NKAIN3: variants seen among roughly 807,000 people sequenced by gnomAD.
The protein encoded by NKAIN3 is sodium/potassium transporting ATPase interacting 3.
Under a neutral mutation model 30.2 loss-of-function variants are expected in NKAIN3, and 25 were observed. The observed-to-expected ratio is 0.83, with a 90% CI of 0.60 to 1.16. The LOEUF (loss-of-function observed/expected upper bound fraction) is 1.16. Among genes scored for constraint, NKAIN3 ranks in the 50% most tolerant of loss-of-function variants. NKAIN3 has a pLI of 0.00. For missense variants in NKAIN3, 225 were observed against 254.1 expected (o/e 0.89, Z 0.78); for synonymous variants, 91 against 89.6 (o/e 1.02, Z -0.09).
intron 1 of NKAIN3, among the ~76,000 whole-genome samples, chr8:62,290,522 GT>G (rs1418947963): frequency 6.6e-6 from 1 of 152,160 alleles, no homozygotes; most frequent in African/African-American, 2.4e-5. Flanking sequence ...CTTTGGTTCT[GT>G]TTATATGCTG....
chr8:62,765,246 C>CAAAAAAAAAAAAAA, intron 4 of NKAIN3, among the ~76,000 whole-genome samples: 1 of 42,518 alleles, frequency 2.4e-5, no homozygotes, highest in Non-Finnish European at 4.8e-5. Context: ...GACTCCATCT[C>CAAAAAAAAAAAAAA]AAAAAAAAAA....
intron 1 of NKAIN3, among the ~76,000 whole-genome samples, chr8:62,270,742 G>T (rs1328860069): frequency 1.3e-5 from 2 of 152,094 alleles, no homozygotes; most frequent in Non-Finnish European, 2.9e-5. Context: ...ACCCATGGTA[G>T]CCAGCATTTC....
At chr8:62,637,586 G>A (rs1812174404) in intron 3 of NKAIN3, among the ~76,000 whole-genome samples, 1 of 152,084 alleles carries the variant, frequency 6.6e-6, no homozygotes, top group Non-Finnish European at 1.5e-5. Context: ...ACTATTAGAC[G>A]AGCCTAAATG....
At chr8:62,787,721 TTCCTGTG>T (rs779858368) in intron 4 of NKAIN3, among the ~76,000 whole-genome samples, 21 of 152,062 alleles carry the variant, frequency 1.4e-4, no homozygotes, top group Non-Finnish European at 2.2e-4. Context: ...GATGTTCCCC[TTCCTGTG>T]TCCATGTGTT....
intron 4 of NKAIN3, among the ~76,000 whole-genome samples, chr8:62,909,111 A>T (rs1821862098): frequency 6.6e-6 from 1 of 152,176 alleles, no homozygotes; most frequent in South Asian, 2.1e-4. Context: ...AAGATTCACA[A>T]CTAGCAGGAC....
intron 1 of NKAIN3, among the ~76,000 whole-genome samples, chr8:62,306,120 G>T (rs1814231466): frequency 6.6e-6 from 1 of 150,542 alleles, no homozygotes; most frequent in Non-Finnish European, 1.5e-5. Context: ...TGTTAATAGA[G>T]TTAGTTTATA....
At chr8:62,798,246 T>C (rs1258607578) in intron 4 of NKAIN3, among the ~76,000 whole-genome samples, 1 of 152,054 alleles carries the variant, frequency 6.6e-6, no homozygotes, top group African/African-American at 2.4e-5. Context: ...TCCTGTTGGG[T>C]TGCCGATATT....
At chr8:62,936,660 C>G (rs868175938) in intron 5 of NKAIN3, among the ~76,000 whole-genome samples, 5 of 152,082 alleles carry the variant, frequency 3.3e-5, no homozygotes, top group African/African-American at 1.2e-4. Context: ...CATCATTATC[C>G]ATCTTTAATG....
At chr8:62,562,297 TA>T (rs1295182212) in intron 1 of NKAIN3, among the ~76,000 whole-genome samples, 2 of 152,264 alleles carry the variant, frequency 1.3e-5, no homozygotes, top group East Asian at 3.9e-4. Context: ...GAGAGTTGTT[TA>T]AAAGTGTTTG....
chr8:62,547,307 A>G (rs991013402), intron 1 of NKAIN3, among the ~76,000 whole-genome samples: 1 of 152,188 alleles, frequency 6.6e-6, no homozygotes, highest in African/African-American at 2.4e-5. Context: ...CTAACATAGG[A>G]CCACATCTGC....
intron 3 of NKAIN3, among the ~76,000 whole-genome samples, chr8:62,644,338 C>T (rs1207837809): frequency 6.6e-6 from 1 of 152,104 alleles, no homozygotes; most frequent in Non-Finnish European, 1.5e-5. Context: ...AGTGTACCAT[C>T]TTTTCTTTTT....
intron 4 of NKAIN3, among the ~76,000 whole-genome samples, chr8:62,826,134 T>G (rs1174244637): frequency 1.3e-5 from 2 of 152,192 alleles, no homozygotes; most frequent in African/African-American, 4.8e-5. Context: ...AAAGAGATAC[T>G]GCACTTTAAT....
chr8:62,577,483 T>A (rs1585969089), intron 1 of NKAIN3, among the ~76,000 whole-genome samples: 2 of 148,366 alleles, frequency 1.3e-5, no homozygotes, highest in Non-Finnish European at 3.0e-5. Context: ...TTTTGGTTTT[T>A]TTTTTTGTTT....
intron 3 of NKAIN3, among the ~76,000 whole-genome samples, chr8:62,605,154 C>A (rs1038073324): frequency 2.6e-5 from 4 of 152,088 alleles, no homozygotes; most frequent in Non-Finnish European, 5.9e-5. Flanking sequence ...TCTTGCATTT[C>A]TTCTGTGGGT....
chr8:62,982,680 A>G lies in NKAIN3; in HGVS notation c.*17273A>G, dbSNP rs552421740. 4 of 152,288 alleles carry G rather than the reference A, an allele frequency of 2.6e-5. No homozygotes were observed. The highest frequency in any genetic ancestry group is 5.9e-5 in the Non-Finnish European group (4 of 68,014). The allele number at this position is 152,288 out of a possible 1,614,324, so 9.4% of individuals were successfully genotyped here. A position where few individuals can be genotyped will look rare whatever the true frequency, so the allele number is the denominator to read the frequency against. ...CCCTTTGATAAATTTTCCTTTACCT[A>G]GCTGTTGCCAAATTGTCTCTTCTAG... On this transcript the variant is annotated 3_prime_UTR_variant, in exon 7 of 7. Coordinates refer to ENST00000623646, the MANE Select transcript of NKAIN3 (RefSeq NM_001304533.3).
intron 1 of NKAIN3, among the ~76,000 whole-genome samples, chr8:62,252,219 GGT>G (rs1163787261): frequency 1.3e-5 from 2 of 152,000 alleles, no homozygotes; most frequent in Non-Finnish European, 2.9e-5. Context: ...AACTAGTGAG[GGT>G]GTTGAAAGGG....
chr8:62,743,411 C>T (rs149325563), intron 3 of NKAIN3, among the ~76,000 whole-genome samples: 186 of 152,238 alleles, frequency 1.2e-3, no homozygotes, highest in African/African-American at 4.3e-3. Context: ...TTGAAAGGGT[C>T]ACAGTCCACA....
chr8:62,507,991 C>T (rs1807695437), intron 1 of NKAIN3, among the ~76,000 whole-genome samples: 1 of 152,136 alleles, frequency 6.6e-6, no homozygotes, highest in South Asian at 2.1e-4. Flanking sequence ...AGTATATTGT[C>T]TTTTAGGCTC....
intron 4 of NKAIN3, among the ~76,000 whole-genome samples, chr8:62,763,456 C>A (rs777431715): frequency 1.1e-4 from 17 of 151,900 alleles, no homozygotes; most frequent in Non-Finnish European, 2.1e-4. Context: ...AAGTGGTATT[C>A]TTTATTTAAA....
Sources: allele counts gnomAD v4.1 joint callset (sites outside exome capture counted in the v4.1 genomes callset), GRCh38; gene constraint gnomAD v4.1.1; transcripts MANE v1.5; gene names NCBI Gene and HGNC (gene_info 2026-07-23, HGNC 2026-07-21).